The following NLRP7 variants were observed in gnomAD, a reference collection of about 807,000 sequenced individuals.
The protein encoded by NLRP7 is NLR family pyrin domain containing 7.
In NLRP7, 72 loss-of-function variants were observed where a neutral mutation model predicts 85.5. That is an observed-to-expected ratio of 0.84 (90% CI 0.70 to 1.02). The LOEUF (loss-of-function observed/expected upper bound fraction) is 1.02. Ranked by LOEUF, NLRP7 falls within the 50% of genes least tolerant of loss-of-function variation. The probability of loss-of-function intolerance (pLI) is 0.00; values close to 1 mark genes in which losing one functional copy is unlikely to be tolerated. For synonymous variants in NLRP7, 550 were observed against 505.2 expected (o/e 1.09, Z -1.19); for missense variants, 1,243 against 1,219.5 (o/e 1.02, Z -0.29).
intron 1 of NLRP7, among the ~76,000 whole-genome samples, chr19:54,964,446 G>C (rs1206365934): frequency 1.3e-5 from 2 of 151,072 alleles, no homozygotes; most frequent in Admixed American, 1.3e-4. Flanking sequence ...TCGATCTCCT[G>C]ACCTCGTGAT....
intron 1 of NLRP7, among the ~76,000 whole-genome samples, chr19:54,960,157 C>G (rs751166434): frequency 5.9e-5 from 9 of 151,630 alleles, no homozygotes; most frequent in Non-Finnish European, 7.4e-5. Flanking sequence ...TTGTTTGTTT[C>G]TTTCGTTTTG....
At chr19:54,933,902 G>A (rs541900714) in intron 7 of NLRP7, among the ~76,000 whole-genome samples, 163 bp from the exon 8 acceptor site, 6 of 152,322 alleles carry the variant, frequency 3.9e-5, no homozygotes, top group Admixed American at 3.3e-4. Flanking sequence ...GCAGGAAGGC[G>A]AGAAGGCCAA....
intron 1 of NLRP7, among the ~76,000 whole-genome samples, chr19:54,943,873 C>T (rs1472654658): frequency 1.3e-5 from 2 of 152,146 alleles, no homozygotes; most frequent in Middle Eastern, 3.2e-3. Flanking sequence ...CTAGCCCCAA[C>T]CCTGTGCTCC....
intron 9 of NLRP7, among the ~76,000 whole-genome samples, chr19:54,929,841 G>A (rs269943): frequency 0.55 from 84,184 of 151,876 alleles, 23,571 homozygotes; most frequent in East Asian, 0.72. Context: ...TTGGCCGGGC[G>A]TGGTGGCTCA....
exon 9 of NLRP7, chr19:54,930,599 T>C (rs1455866091): frequency 2.5e-6 from 4 of 1,612,286 alleles, no homozygotes; most frequent in Non-Finnish European, 3.4e-6. Flanking sequence ...TTTGTGAGGC[T>C]GCAGGCTTCT....
Position 54,939,323 on chromosome 19 carries a change from TC to T in NLRP7, c.1495del (p.Asp499ThrfsTer17). On this transcript the variant is annotated frameshift_variant, in exon 4 of 10. Transcript: ENST00000340844. LOFTEE classifies it high-confidence loss of function. The stretch of plus-strand genomic sequence containing the variant: ...TTCTCCGGAAAGCAGCTTCTGTACG[TC>T]CCCGATGTCCCAGGCGTGGCCGTCC... 1 of 1,614,044 alleles carries T rather than the reference TC, an allele frequency of 6.2e-7. No individual in the cohort carries two copies. The highest frequency in any genetic ancestry group is 8.5e-7 in the Non-Finnish European group (1 of 1,179,950).
chr19:54,926,388 G>A (rs905665283), intron 9 of NLRP7, among the ~76,000 whole-genome samples: 2 of 152,158 alleles, frequency 1.3e-5, no homozygotes, highest in African/African-American at 4.8e-5. Context: ...TCCTAAGCTA[G>A]GAGTGTGCTA....
chr19:54,961,181 C>T (rs182968323), intron 1 of NLRP7, among the ~76,000 whole-genome samples: 65 of 151,882 alleles, frequency 4.3e-4, no homozygotes, highest in African/African-American at 1.4e-3. Flanking sequence ...AAGACCGGCC[C>T]GGTGTACAAA....
intron 1 of NLRP7, among the ~76,000 whole-genome samples, chr19:54,956,132 A>AAAGGAAGGAAGGAGGG (rs375895318): frequency 6.6e-6 from 1 of 150,788 alleles, no homozygotes. Context: ...AGAGGGAGAG[A>AAAGGAAGGAAGGAGGG]AAGGAAGGAA....
chr19:54,953,668 C>T (rs1017137795), intron 1 of NLRP7, among the ~76,000 whole-genome samples: 1 of 151,622 alleles, frequency 6.6e-6, no homozygotes, highest in Non-Finnish European at 1.5e-5. Context: ...GGAAATTGGG[C>T]ATAAGACAAT....
At chr19:54,942,682 T>C (rs1178455943) in intron 1 of NLRP7, among the ~76,000 whole-genome samples, 1 of 151,960 alleles carries the variant, frequency 6.6e-6, no homozygotes, top group African/African-American at 2.4e-5. Context: ...GCCATTGCAC[T>C]CGAGCCTCGG....
At chr19:54,946,368 C>T (rs1479253821) in intron 1 of NLRP7, among the ~76,000 whole-genome samples, 4 of 151,698 alleles carry the variant, frequency 2.6e-5, no homozygotes, top group South Asian at 4.2e-4. Context: ...TGTGCCACCA[C>T]GCCCAGCTAA....
chr19:54,946,991 A>G (rs540065813), intron 1 of NLRP7, among the ~76,000 whole-genome samples: 172 of 152,060 alleles, frequency 1.1e-3, no homozygotes, highest in African/African-American at 3.8e-3. Flanking sequence ...GGCTAGTCTC[A>G]ATCTCCTGAA....
chr19:54,943,187 G>A (rs923344077), intron 1 of NLRP7, among the ~76,000 whole-genome samples: 6 of 151,562 alleles, frequency 4.0e-5, no homozygotes, highest in African/African-American at 4.8e-5. Flanking sequence ...GAACATACCC[G>A]TAGTCCCAGA....
At position 54,937,149 on chromosome 19, in the gene NLRP7, C is replaced by T. The variant is rs104895538; in HGVS notation, c.2130-718G>A. Among the ~76,000 whole-genome samples, 4,827 of 149,862 alleles carry T rather than the reference C, an allele frequency of 0.032. 248 individuals are homozygous for T. The highest frequency in any genetic ancestry group is 0.11 in the African/African-American group (4,412 of 40,596). ...AGGAGAATGGCATGAACCCGGGAGGCAGGGCTTGCAGTGAGCCGAGATTGC... is the reference window on the plus strand; with the variant it reads ...AGGAGAATGGCATGAACCCGGGAGGTAGGGCTTGCAGTGAGCCGAGATTGC... On this transcript the variant is annotated intron_variant, in intron 5 of 9. Transcript: ENST00000340844.
At chr19:54,951,167 T>C (rs1024995549), upstream of NLRP7, among the ~76,000 whole-genome samples, 1 of 152,204 alleles carries the variant, frequency 6.6e-6, no homozygotes, top group Admixed American at 6.6e-5. Flanking sequence ...TTTGTCTTAG[T>C]ACAGAACAAA....
At chr19:54,963,985 A>G (rs1177044493) in intron 1 of NLRP7, among the ~76,000 whole-genome samples, 1 of 147,652 alleles carries the variant, frequency 6.8e-6, no homozygotes, top group Non-Finnish European at 1.5e-5. Context: ...GGTTCAAGCA[A>G]TTCTCTGCTT....
exon 4 of NLRP7, chr19:54,938,958 A>G (rs1172747009): frequency 4.3e-6 from 7 of 1,613,986 alleles, no homozygotes; most frequent in South Asian, 1.1e-5. Flanking sequence ...ACCTGCAGTG[A>G]GAGTTTCTGC....
At chr19:54,923,575 C>T (rs548380427) in exon 10 of NLRP7, 14 of 774,468 alleles carry the variant, frequency 1.8e-5, no homozygotes, top group South Asian at 1.5e-5. Flanking sequence ...GAAGGGGGTG[C>T]GTGACTCGTG....
Sources: allele counts gnomAD v4.1 joint callset (sites outside exome capture counted in the v4.1 genomes callset), GRCh38; gene constraint gnomAD v4.1.1; transcripts MANE v1.5; gene names NCBI Gene and HGNC (gene_info 2026-07-23, HGNC 2026-07-21).